INPP5D: variants seen among roughly 807,000 people sequenced by gnomAD.
The protein encoded by INPP5D is inositol polyphosphate-5-phosphatase D.
A neutral mutation model predicts 122.9 loss-of-function variants in INPP5D; 33 were observed. The observed-to-expected ratio is 0.27, with a 90% CI of 0.20 to 0.36. The LOEUF is 0.36. Ranked by LOEUF, INPP5D falls within the 10% of genes least tolerant of loss-of-function variation. The probability of loss-of-function intolerance (pLI) is 1.00; values close to 1 mark genes in which losing one functional copy is unlikely to be tolerated. For synonymous variants in INPP5D, 584 were observed against 576.2 expected (o/e 1.01, Z -0.19); for missense variants, 1,053 against 1,412.7 (o/e 0.75, Z 4.08).
Position 233,137,964 on chromosome 2 carries a change from A to ATATTGTAT in INPP5D, c.666-1876_666-1875insTTGTATTA, listed in dbSNP as rs1429275855. 7.6e-3 allele frequency among the ~76,000 whole-genome samples: 438 copies of ATATTGTAT among 57,490 alleles called. 3 individuals are homozygous for ATATTGTAT. Among genetic ancestry groups the ATATTGTAT allele is most frequent in the African/African-American group, 0.01 (149 of 14,266 alleles). 37.7% of individuals were successfully genotyped at this position (57,490 alleles called of 152,430 possible). ...TATTATGATATAATGATATTATATT[A>ATATTGTAT]TAATATAATGAGATTATATTGTATT... On this transcript the variant is annotated intron_variant, in intron 5 of 26. Coordinates refer to ENST00000445964, the MANE Select transcript of INPP5D (RefSeq NM_001017915.3).
rs963489957 is a variant in INPP5D at position 233,170,965 on chromosome 2, C to T, written c.1901-99C>T. The T allele has an allele frequency of 8.1e-6, 12 of 1,474,732 alleles. No individual in the cohort carries two copies. The highest frequency in any genetic ancestry group is 3.7e-5 in the South Asian group (3 of 80,056). The allele number at this position is 1,474,732 out of a possible 1,614,324, so 91.4% of individuals were successfully genotyped here. A position where few individuals can be genotyped will look rare whatever the true frequency, so the allele number is the denominator to read the frequency against. ...CTTGGAGCCTTTCCAGCCATCCTTTCGTCCCCTTTCCCCTGATTTCCTACC... is the reference window on the plus strand; with the variant it reads ...CTTGGAGCCTTTCCAGCCATCCTTTTGTCCCCTTTCCCCTGATTTCCTACC... On this transcript the variant is annotated intron_variant, in intron 16 of 26. Transcript: ENST00000445964. The surrounding 1 kb of genome is among the most constrained non-coding windows in gnomAD (Gnocchi z 4.5).
At chr2:233,060,921 A>G (rs1452352217) in intron 1 of INPP5D, among the ~76,000 whole-genome samples, 1 of 152,166 alleles carries the variant, frequency 6.6e-6, no homozygotes, top group Non-Finnish European at 1.5e-5. Context: ...TTTTGGAGCC[A>G]GGAGGAAGCT....
In INPP5D at chr2:233,160,398, T is replaced by C. The variant is rs1694171499; in HGVS notation, c.1138-1326T>C. ...ACCCCAGAAAAATACGTGAAAAATA[T>C]TGAGTAGGCTATGAAAGCCTTCATG... is the stretch of plus-strand genomic sequence containing the variant. On this transcript the variant is annotated intron_variant, in intron 10 of 26. Transcript: ENST00000445964. This position sits in a 1 kb window ranked among gnomAD's most constrained non-coding sequence, Gnocchi z 4.2. Among the ~76,000 whole-genome samples, 1 of 152,236 alleles carries C rather than the reference T, an allele frequency of 6.6e-6. No individual in the cohort carries two copies. Among genetic ancestry groups the C allele is most frequent in the Non-Finnish European group, 1.5e-5 (1 of 68,032 alleles).
At chr2:233,068,265 A>G (rs1211992116) in intron 1 of INPP5D, among the ~76,000 whole-genome samples, 3 of 145,410 alleles carry the variant, frequency 2.1e-5, no homozygotes, top group East Asian at 4.0e-4. Flanking sequence ...AGCCTGGGCA[A>G]CAAGAGTGAA....
At chr2:233,107,896 C>G (rs79427794) in intron 2 of INPP5D, among the ~76,000 whole-genome samples, 2,023 of 152,238 alleles carry the variant, frequency 0.013, 31 homozygotes, top group African/African-American at 0.042. Context: ...CCACGGCACT[C>G]CCTTCTGCAC....
chr2:233,138,850 ACT>A (rs899373166), intron 5 of INPP5D, among the ~76,000 whole-genome samples: 6 of 150,502 alleles, frequency 4.0e-5, no homozygotes, highest in African/African-American at 1.2e-4. Flanking sequence ...GGTTCACACC[ACT>A]CTCCTGCCTC....
chr2:233,206,777 G>T lies in INPP5D; in HGVS notation c.*69G>T. ...GCGTGAAGCCACTGGACCCTCTCCC[G>T]GGACCTCCTGCTGGCTCCTCCTGCC... On this transcript the variant is annotated 3_prime_UTR_variant, in exon 27 of 27. Coordinates refer to ENST00000445964, the MANE Select transcript of INPP5D (RefSeq NM_001017915.3). This position sits in a 1 kb window ranked among gnomAD's most constrained non-coding sequence, Gnocchi z 4.0. 2 of 733,262 alleles carry T rather than the reference G, an allele frequency of 2.7e-6. No individual in the cohort carries two copies. The highest frequency in any genetic ancestry group is 1.5e-5 in the South Asian group (1 of 68,660). The allele number at this position is 733,262 out of a possible 1,614,324, so 45.4% of individuals were successfully genotyped here.
intron 3 of INPP5D, 52 bp downstream of exon 3, chr2:233,122,309 C>A (rs1300222815): frequency 6.4e-6 from 10 of 1,574,506 alleles, no homozygotes; most frequent in Non-Finnish European, 8.6e-6. Flanking sequence ...ACTTGCCCTG[C>A]ACCCACCTTG....
intron 2 of INPP5D, among the ~76,000 whole-genome samples, chr2:233,081,139 C>T (rs867334620): frequency 3.3e-5 from 5 of 152,194 alleles, no homozygotes; most frequent in African/African-American, 9.6e-5. Context: ...ACACCTAGTA[C>T]GAGAAGGTCC....
At chr2:233,175,217 C>CAA (rs1220185296) in intron 17 of INPP5D, among the ~76,000 whole-genome samples, 14,544 of 67,768 alleles carry the variant, frequency 0.21, 3,067 homozygotes, top group East Asian at 0.41. Context: ...GACTCCATCT[C>CAA]AAAAAAAAAA....
chr2:233,074,988 C>T (rs1691480395), intron 1 of INPP5D, among the ~76,000 whole-genome samples: 1 of 152,176 alleles, frequency 6.6e-6, no homozygotes, highest in Admixed American at 6.5e-5. Context: ...TTCCTACTTC[C>T]ACGGGCTTGT....
rs766737692 is a variant in INPP5D, at chr2:233,060,411, C to T, written c.-68C>T. ...CGGCAGGTTGCAGTGGAGGGGCCTC[C>T]GCTCCCCTCGGTGGTGTGTGGGTCC... On this transcript the variant is annotated 5_prime_UTR_variant, in exon 1 of 27. Coordinates refer to ENST00000445964, the MANE Select transcript of INPP5D (RefSeq NM_001017915.3). 58 of 1,490,940 alleles carry T rather than the reference C, an allele frequency of 3.9e-5. No individual in the cohort carries two copies. Among genetic ancestry groups the T allele is most frequent in the Non-Finnish European group, 4.8e-5 (53 of 1,108,590 alleles). 92.4% of individuals were successfully genotyped at this position (1,490,940 alleles called of 1,614,324 possible).
chr2:233,182,276 G>C (rs70940831), intron 18 of INPP5D, 134 bp from the exon 19 acceptor site: 17 of 1,307,228 alleles, frequency 1.3e-5, no homozygotes, highest in Non-Finnish European at 1.2e-5. Context: ...GCTGTGGAAG[G>C]ACAACAGGTG....
rs749219228 is a variant in INPP5D, at chr2:233,188,631, G to A, written c.2359-1219G>A. Among the ~76,000 whole-genome samples the A allele has an allele frequency of 2.7e-4, 41 of 152,110 alleles. No homozygotes were observed. Among genetic ancestry groups the A allele is most frequent in the South Asian group, 4.1e-4 (2 of 4,832 alleles). ...GGCTGGAGTGCAGTGGTGCCATCTC[G>A]GCTCACTGCAACCTCCGCCTCCAAG... On this transcript the variant is annotated intron_variant, in intron 21 of 26. Coordinates refer to ENST00000445964, the MANE Select transcript of INPP5D (RefSeq NM_001017915.3). The surrounding 1 kb of genome is among the most constrained non-coding windows in gnomAD (Gnocchi z 4.7).
intron 17 of INPP5D, among the ~76,000 whole-genome samples, chr2:233,174,255 T>C (rs910044750): frequency 6.6e-6 from 1 of 152,250 alleles, no homozygotes; most frequent in Non-Finnish European, 1.5e-5. Context: ...CTGTTATGCT[T>C]TTACACAGCT....
chr2:233,148,983 T>C (rs1453427672), intron 9 of INPP5D, among the ~76,000 whole-genome samples: 2 of 152,196 alleles, frequency 1.3e-5, no homozygotes, highest in Non-Finnish European at 2.9e-5. Flanking sequence ...ACTATATGTA[T>C]GTCCCATGCA....
chr2:233,113,672 G>A (rs1027332911), intron 2 of INPP5D, among the ~76,000 whole-genome samples: 4 of 151,934 alleles, frequency 2.6e-5, no homozygotes, highest in Admixed American at 6.6e-5. Context: ...AGAGATCTAG[G>A]GCCACTCTCG....
chr2:233,202,309 G>A (rs966848035), intron 25 of INPP5D, among the ~76,000 whole-genome samples: 3 of 152,180 alleles, frequency 2.0e-5, no homozygotes, highest in Admixed American at 6.5e-5. Flanking sequence ...GGGTCCACAC[G>A]GGGGTCAGAA....
At chr2:233,066,428 G>C (rs1691228850) in intron 1 of INPP5D, among the ~76,000 whole-genome samples, 1 of 152,226 alleles carries the variant, frequency 6.6e-6, no homozygotes, top group Non-Finnish European at 1.5e-5. Flanking sequence ...GAGGAGCAAG[G>C]CTCTGTGGTC....
Sources: gnomAD v4.1 joint callset for allele counts (sites outside exome capture counted in the v4.1 genomes callset) on GRCh38, gnomAD v4.1.1 for gene constraint, Gnocchi (gnomAD v3.1) non-coding constraint, MANE v1.5 for transcripts, NCBI Gene and HGNC (gene_info 2026-07-23, HGNC 2026-07-21) for gene names.